Variants in TMPRSS11F observed in about 807,000 individuals in gnomAD.
TMPRSS11F encodes transmembrane protease serine 11F.
Under a neutral mutation model 60.2 loss-of-function variants are expected in TMPRSS11F, and 47 were observed. The observed-to-expected ratio is 0.78, with a 90% CI of 0.62 to 1.00. The LOEUF is 1.00. Ranked by LOEUF, TMPRSS11F falls within the 50% of genes least tolerant of loss-of-function variation. The probability of loss-of-function intolerance (pLI) is 0.00; values close to 1 mark genes in which losing one functional copy is unlikely to be tolerated. For synonymous variants in TMPRSS11F, 166 were observed against 167.3 expected (o/e 0.99, Z 0.06); for missense variants, 519 against 522.9 (o/e 0.99, Z 0.07).
At chr4:68,075,228 A>G (rs77199434) in intron 3 of TMPRSS11F, among the ~76,000 whole-genome samples, 6 of 151,950 alleles carry the variant, frequency 3.9e-5, no homozygotes, top group Admixed American at 3.9e-4. Context: ...CCTTGATTCA[A>G]TCTCATTGCT....
chr4:68,123,602 T>G (rs1724662460), intron 1 of TMPRSS11F, among the ~76,000 whole-genome samples: 1 of 152,062 alleles, frequency 6.6e-6, no homozygotes. Flanking sequence ...GCAACTGAAG[T>G]TTGAGATTGG....
chr4:68,112,852 G>A (rs1300748348), intron 1 of TMPRSS11F, among the ~76,000 whole-genome samples: 1 of 151,984 alleles, frequency 6.6e-6, no homozygotes, highest in Non-Finnish European at 1.5e-5. Flanking sequence ...TTCCTAAAGG[G>A]CAGAATCTAT....
At chr4:68,110,433 T>G (rs1009888693) in intron 1 of TMPRSS11F, among the ~76,000 whole-genome samples, 2 of 152,192 alleles carry the variant, frequency 1.3e-5, no homozygotes, top group African/African-American at 4.8e-5. Flanking sequence ...CTGGACTGTC[T>G]TTAATTATGA....
In TMPRSS11F at chr4:68,053,332, T is replaced by C. The variant is rs773102929; in HGVS notation, c.*577A>G. ...GTTATAACACTGTGTTAACAGCAAG[T>C]TCAGATACATTTAAAAACTTTTAAA... On this transcript the variant is annotated 3_prime_UTR_variant, in exon 10 of 10. Transcript: ENST00000356291. The C allele has an allele frequency of 2.6e-5, 4 of 152,628 alleles. No individual in the cohort carries two copies. The highest frequency in any genetic ancestry group is 6.6e-5 in the Admixed American group (1 of 15,266). 9.5% of individuals were successfully genotyped at this position (152,628 alleles called of 1,614,324 possible). A position where few individuals can be genotyped will look rare whatever the true frequency, so the allele number is the denominator to read the frequency against.
chr4:68,057,363 G>C (rs536530036), intron 9 of TMPRSS11F, among the ~76,000 whole-genome samples: 6 of 150,664 alleles, frequency 4.0e-5, no homozygotes, highest in African/African-American at 1.5e-4. Flanking sequence ...AACTCAAAAT[G>C]GATTAAAAAC....
intron 3 of TMPRSS11F, among the ~76,000 whole-genome samples, chr4:68,086,529 A>G (rs1347336947): frequency 6.6e-6 from 1 of 152,190 alleles, no homozygotes; most frequent in Non-Finnish European, 1.5e-5. Flanking sequence ...AAATCAGAGC[A>G]GAACAAAACT....
chr4:68,117,236 G>A (rs868645145), intron 1 of TMPRSS11F, among the ~76,000 whole-genome samples: 4 of 152,024 alleles, frequency 2.6e-5, no homozygotes, highest in African/African-American at 9.7e-5. Context: ...GGGAGGCCGA[G>A]GGGGGCGGAT....
chr4:68,121,518 C>T (rs1724624663), intron 1 of TMPRSS11F, among the ~76,000 whole-genome samples: 2 of 151,994 alleles, frequency 1.3e-5, no homozygotes, highest in Admixed American at 1.3e-4. Context: ...AACACCAGTT[C>T]TATTTTATTT....
In TMPRSS11F at chr4:68,068,758, T is replaced by C; in HGVS notation, c.615A>G (p.Arg205=). ...TAGCTGTTTCCCTTCCTTGGACAAT[T>C]CTTTGAGTAGAAGAGGATGCTGGTA... The part of the protein sequence containing the change: ...MPLPASSSTQ[R]IVQGRETAME... The change falls in exon 7 of 10, where the codon AGA becomes AGG. Residue 205 remains arginine (R), a synonymous_variant. Transcript: ENST00000356291. The C allele has an allele frequency of 6.2e-7, 1 of 1,614,236 alleles. No individual in the cohort carries two copies. Among genetic ancestry groups the C allele is most frequent in the Non-Finnish European group, 8.5e-7 (1 of 1,180,046 alleles).
chr4:68,116,396 A>C (rs1724519311), intron 1 of TMPRSS11F, among the ~76,000 whole-genome samples: 1 of 152,176 alleles, frequency 6.6e-6, no homozygotes, highest in African/African-American at 2.4e-5. Flanking sequence ...GAAAAGATGA[A>C]TATTGTTAAA....
At position 68,064,787 on chromosome 4, in the gene TMPRSS11F, A is replaced by C; in HGVS notation, c.913T>G (p.Phe305Val). 1.2e-6 allele frequency: 2 copies of C among 1,613,930 alleles called. No individual in the cohort carries two copies. The highest frequency in any genetic ancestry group is 1.7e-6 in the Non-Finnish European group (2 of 1,179,990). ...ALVQLSTGVE[F>V]SNIVQRVCLP... Reference sequence around the variant, plus strand: ...CAAACTCTCTGGACTATATTTGAAAACTCAACTCCAGTAGAGAGCTGAACC... The same window carrying C: ...CAAACTCTCTGGACTATATTTGAAACCTCAACTCCAGTAGAGAGCTGAACC... Residue 305 changes from phenylalanine to valine, a missense_variant, in exon 8 of 10, where the codon TTT (phenylalanine) becomes GTT (valine). Physicochemically the swap from Phe to Val is conservative, Grantham distance 50 (BLOSUM62 -1). Transcript: ENST00000356291.
chr4:68,093,641 C>T (rs539045131), intron 2 of TMPRSS11F, among the ~76,000 whole-genome samples: 8 of 151,842 alleles, frequency 5.3e-5, no homozygotes, highest in African/African-American at 1.9e-4. Context: ...ATTTTTGCAA[C>T]CTACTCGTCT....
At chr4:68,065,351 C>A (rs546529636) in intron 7 of TMPRSS11F, among the ~76,000 whole-genome samples, 1 of 152,096 alleles carries the variant, frequency 6.6e-6, no homozygotes, top group South Asian at 2.1e-4. Context: ...TTACTGTGAT[C>A]GTTGAAGTGA....
intron 3 of TMPRSS11F, among the ~76,000 whole-genome samples, chr4:68,079,190 T>A (rs1267253830): frequency 6.6e-6 from 1 of 151,716 alleles, no homozygotes; most frequent in African/African-American, 2.4e-5. Flanking sequence ...AGGAAAAGTA[T>A]CATTCTCATC....
intron 8 of TMPRSS11F, among the ~76,000 whole-genome samples, chr4:68,064,305 C>G (rs1430420866): frequency 1.3e-5 from 2 of 151,982 alleles, no homozygotes; most frequent in Non-Finnish European, 2.9e-5. Context: ...CTGCCTCAAC[C>G]TCCCAAGTAA....
At chr4:68,115,956 T>G (rs938394330) in intron 1 of TMPRSS11F, among the ~76,000 whole-genome samples, 1 of 152,190 alleles carries the variant, frequency 6.6e-6, no homozygotes, top group Non-Finnish European at 1.5e-5. Context: ...ACTGTATATT[T>G]TCAGCAAGAA....
At chr4:68,061,575 G>A (rs796748171) in intron 8 of TMPRSS11F, among the ~76,000 whole-genome samples, 15 of 152,214 alleles carry the variant, frequency 9.9e-5, no homozygotes, top group African/African-American at 3.1e-4. Context: ...AGGCAGTGTT[G>A]GTTACTAAAT....
intron 1 of TMPRSS11F, among the ~76,000 whole-genome samples, chr4:68,109,066 G>A (rs892507938): frequency 2.0e-5 from 3 of 151,990 alleles, no homozygotes; most frequent in Non-Finnish European, 4.4e-5. Flanking sequence ...TCTGATGATG[G>A]TTTTTAGGCA....
At chr4:68,074,748 T>C (rs1418644788) in intron 3 of TMPRSS11F, among the ~76,000 whole-genome samples, 1 of 152,194 alleles carries the variant, frequency 6.6e-6, no homozygotes, top group African/African-American at 2.4e-5. Flanking sequence ...GGAAACTGAT[T>C]TCATAAAGGG....
Sources: allele counts gnomAD v4.1 joint callset (sites outside exome capture counted in the v4.1 genomes callset), GRCh38; gene constraint gnomAD v4.1.1; transcripts MANE v1.5; gene names NCBI Gene and HGNC (gene_info 2026-07-23, HGNC 2026-07-21).